HIVEP3: variants seen among roughly 807,000 people sequenced by gnomAD.
The protein encoded by HIVEP3 is transcription factor HIVEP3.
A neutral mutation model predicts 152.8 loss-of-function variants in HIVEP3; 49 were observed. The ratio of observed to expected loss-of-function variants is 0.32; its 90% confidence interval spans 0.26 to 0.41. HIVEP3 has a LOEUF of 0.41. HIVEP3 is among the 10% of genes least tolerant of loss of function. The pLI is 1.00. For synonymous variants in HIVEP3, 1,269 were observed against 1,289.0 expected, an observed-to-expected ratio of 0.98 and a Z score of 0.33; for missense variants, 2,790 against 3,103.3, an observed-to-expected ratio of 0.90 and a Z score of 2.40.
intron 2 of HIVEP3, among the ~76,000 whole-genome samples, chr1:41,688,233 T>C (rs1431792095): frequency 6.6e-6 from 1 of 152,098 alleles, no homozygotes; most frequent in East Asian, 1.9e-4. Context: ...TGACCCCTTC[T>C]GTTGCTCTCC....
intron 1 of HIVEP3, among the ~76,000 whole-genome samples, chr1:41,991,936 C>T (rs1307417637): frequency 7.1e-6 from 1 of 140,838 alleles, no homozygotes; most frequent in Non-Finnish European, 1.5e-5. Flanking sequence ...AAGCCTTTGA[C>T]AAAATTCAAC....
At chr1:41,859,226 T>C (rs1557455459) in intron 1 of HIVEP3, among the ~76,000 whole-genome samples, 1 of 152,070 alleles carries the variant, frequency 6.6e-6, no homozygotes, top group Non-Finnish European at 1.5e-5. Flanking sequence ...GCCTGGCCAG[T>C]TTTCTACCCT....
intron 2 of HIVEP3, among the ~76,000 whole-genome samples, chr1:41,678,277 C>A (rs1177248308): frequency 6.6e-6 from 1 of 152,162 alleles, no homozygotes; most frequent in African/African-American, 2.4e-5. Flanking sequence ...TTGGCCGGCC[C>A]CTCCATTGGG....
At chr1:42,027,144 CTA>C (rs1337401622) in intron 1 of HIVEP3, among the ~76,000 whole-genome samples, 1 of 152,176 alleles carries the variant, frequency 6.6e-6, no homozygotes, top group Non-Finnish European at 1.5e-5. Context: ...CCAAATGAAG[CTA>C]TGTTTTTACA....
chr1:41,510,614 C>G lies in HIVEP3; in HGVS notation c.7058G>C (p.Ser2353Thr), dbSNP rs750175209. The change falls in exon 9 of 9, where the codon AGC (serine) becomes ACC (threonine). Residue 2353 changes from serine to threonine, a missense_variant. This residue lies in a region of HIVEP3 where 816 missense variants were observed against 806.5 expected (regional missense o/e 1.01). Coordinates refer to ENST00000372583, the MANE Select transcript of HIVEP3 (RefSeq NM_024503.5). ...GGCCTCTGCCAGGCAGCCCACAGAG[C>G]TGCTGCGGTCCAGCGGCGGGGTGGC... ...PSATPPLDRS[S>T]SVGCLAEASA... 4.5e-6 allele frequency: 7 copies of G among 1,553,270 alleles called. No homozygotes were observed. The highest frequency in any genetic ancestry group is 6.1e-6 in the Non-Finnish European group (7 of 1,148,894).
At chr1:41,740,223 C>A (rs1317098335) in intron 1 of HIVEP3, among the ~76,000 whole-genome samples, 1 of 152,234 alleles carries the variant, frequency 6.6e-6, no homozygotes, top group African/African-American at 2.4e-5. Flanking sequence ...ATGCTCTGGG[C>A]CCTAAGGCCC....
At chr1:41,839,735 G>A (rs1322319918) in intron 1 of HIVEP3, among the ~76,000 whole-genome samples, 3 of 152,204 alleles carry the variant, frequency 2.0e-5, no homozygotes, top group African/African-American at 2.4e-5. Flanking sequence ...CAGCCTGGCT[G>A]GCTGTATGTC....
At chr1:41,737,495 C>T (rs1344877291) in intron 1 of HIVEP3, among the ~76,000 whole-genome samples, 1 of 152,174 alleles carries the variant, frequency 6.6e-6, no homozygotes, top group Non-Finnish European at 1.5e-5. Context: ...GCTGAGCATA[C>T]CCCTGTCATT....
intron 3 of HIVEP3, among the ~76,000 whole-genome samples, chr1:41,614,625 G>A (rs1236044380): frequency 1.3e-5 from 2 of 152,032 alleles, no homozygotes; most frequent in Admixed American, 6.5e-5. Flanking sequence ...GTAGATTTGA[G>A]GTAATTTACA....
chr1:41,880,084 G>A (rs1334276025), intron 1 of HIVEP3, among the ~76,000 whole-genome samples: 1 of 152,088 alleles, frequency 6.6e-6, no homozygotes, highest in Admixed American at 6.5e-5. Flanking sequence ...TTTCTGAGAT[G>A]GGTCTCACTC....
intron 1 of HIVEP3, among the ~76,000 whole-genome samples, chr1:41,994,185 T>G (rs1645381366): frequency 6.8e-6 from 1 of 146,272 alleles, no homozygotes; most frequent in South Asian, 2.2e-4. Flanking sequence ...AGAAAAAAAA[T>G]CCTCTCTGGA....
At position 41,872,244 on chromosome 1, in the gene HIVEP3, AAAAG is replaced by A. The variant is rs1644094605; in HGVS notation, c.-801+46165_-801+46168del. ...ATGTGGTGGAAGAAGATTTACAGAC[AAAAG>A]AAAGGGAAATGACATAGTACAGAAA... On this transcript the variant is annotated intron_variant, in intron 1 of 8. Transcript: ENST00000372583. Among the ~76,000 whole-genome samples, 3 of 152,252 alleles carry A rather than the reference AAAAG, an allele frequency of 2.0e-5. No homozygotes were observed. The South Asian group carries it at 6.2e-4, about 32-fold the overall frequency.
chr1:41,643,634 T>A (rs1259890591), intron 2 of HIVEP3, among the ~76,000 whole-genome samples: 3 of 152,142 alleles, frequency 2.0e-5, no homozygotes, highest in Admixed American at 2.0e-4. Flanking sequence ...GCACTTGACA[T>A]CCCTCTGTCT....
intron 1 of HIVEP3, among the ~76,000 whole-genome samples, chr1:42,022,615 C>A (rs1044211200): frequency 6.6e-6 from 1 of 152,196 alleles, no homozygotes. Context: ...TTCTCAGCAA[C>A]CTGCACAATC....
At chr1:41,677,792 G>T (rs1393843978) in intron 2 of HIVEP3, among the ~76,000 whole-genome samples, 1 of 152,222 alleles carries the variant, frequency 6.6e-6, no homozygotes, top group Non-Finnish European at 1.5e-5. Context: ...GGGCGGTCAG[G>T]TGAGTCCGCA....
chr1:41,793,588 T>C (rs1340685737), intron 1 of HIVEP3, among the ~76,000 whole-genome samples: 1 of 152,152 alleles, frequency 6.6e-6, no homozygotes. Context: ...ATATTTAATG[T>C]CTACTACATG....
intron 1 of HIVEP3, among the ~76,000 whole-genome samples, chr1:41,964,086 G>A (rs1645184214): frequency 6.6e-6 from 1 of 152,254 alleles, no homozygotes; most frequent in African/African-American, 2.4e-5. Context: ...ATGTAGTTAA[G>A]ATGAAGTTAT....
intron 5 of HIVEP3, among the ~76,000 whole-genome samples, chr1:41,560,598 G>A (rs1250167085): frequency 2.0e-5 from 3 of 152,306 alleles, no homozygotes; most frequent in East Asian, 1.9e-4. Flanking sequence ...CTCTGGCACC[G>A]ACTCACAGAG....
intron 1 of HIVEP3, among the ~76,000 whole-genome samples, chr1:41,953,926 T>C (rs1006067645): frequency 8.5e-5 from 13 of 152,230 alleles, no homozygotes; most frequent in African/African-American, 2.4e-4. Flanking sequence ...TGCTAACTCT[T>C]CAGAACCCAG....
Sources: allele counts gnomAD v4.1 joint callset (sites outside exome capture counted in the v4.1 genomes callset), GRCh38; gene constraint gnomAD v4.1.1; regional missense constraint gnomAD v4.1.1; transcripts MANE v1.5; gene names NCBI Gene and HGNC (gene_info 2026-07-23, HGNC 2026-07-21).